The following PITPNM3 variants were observed in gnomAD, a reference collection of about 807,000 sequenced individuals.
PITPNM3 encodes the protein PITPNM family member 3.
Under a neutral mutation model 102.0 loss-of-function variants are expected in PITPNM3, and 26 were observed. That is an observed-to-expected ratio of 0.25 (90% CI 0.19 to 0.35). The LOEUF (loss-of-function observed/expected upper bound fraction) is 0.35, where lower values mean the gene tolerates loss of function less well. Among genes scored for constraint, PITPNM3 ranks in the 10% least tolerant of loss-of-function variants. The probability of loss-of-function intolerance (pLI) is 1.00; values close to 1 mark genes in which losing one functional copy is unlikely to be tolerated. For synonymous variants in PITPNM3, 578 were observed against 558.6 expected (o/e 1.03, Z -0.49); for missense variants, 1,083 against 1,346.1 (o/e 0.80, Z 3.06).
Position 6,457,826 on chromosome 17 carries a change from G to A in PITPNM3, c.2491-104C>T. On this transcript the variant is annotated intron_variant, in intron 18 of 19. Coordinates refer to ENST00000262483, the MANE Select transcript of PITPNM3 (RefSeq NM_031220.4). The surrounding 1 kb of genome is among the most constrained non-coding windows in gnomAD (Gnocchi z 4.7). ...GCCCCTGCTTGGGGACCCTTTATGT[G>A]CACTCTGGTAGACTCCAAGCCATGG... is the stretch of plus-strand genomic sequence containing the variant. 2.0e-6 allele frequency: 3 copies of A among 1,465,540 alleles called. No individual in the cohort carries two copies. The highest frequency in any genetic ancestry group is 2.8e-6 in the Non-Finnish European group (3 of 1,081,874). The allele number at this position is 1,465,540 out of a possible 1,614,324, so 90.8% of individuals were successfully genotyped here.
chr17:6,488,276 T>G (rs2150587754), intron 4 of PITPNM3, among the ~76,000 whole-genome samples: 1 of 152,302 alleles, frequency 6.6e-6, no homozygotes, highest in Non-Finnish European at 1.5e-5. Context: ...TTGCCTTTGC[T>G]CATGCTGAGC....
chr17:6,521,746 C>T (rs1908534910), intron 3 of PITPNM3, among the ~76,000 whole-genome samples: 2 of 152,140 alleles, frequency 1.3e-5, no homozygotes, highest in Middle Eastern at 3.4e-3. Context: ...AAAGCAGAAG[C>T]TGAGATAGAG....
chr17:6,539,265 G>A (rs146196133), intron 1 of PITPNM3, among the ~76,000 whole-genome samples: 77 of 152,298 alleles, frequency 5.1e-4, no homozygotes, highest in African/African-American at 1.7e-3. Context: ...TTTACTGCAA[G>A]GGGGGTCTGA....
In PITPNM3 at chr17:6,517,399, G is replaced by A. The variant is rs775663598; in HGVS notation, c.226+7957C>T. Among the ~76,000 whole-genome samples the A allele has an allele frequency of 6.6e-6, 1 of 152,216 alleles. No individual in the cohort carries two copies. Among genetic ancestry groups the A allele is most frequent in the Non-Finnish European group, 1.5e-5 (1 of 68,026 alleles). On this transcript the variant is annotated intron_variant, in intron 3 of 19. Coordinates refer to ENST00000262483, the MANE Select transcript of PITPNM3 (RefSeq NM_031220.4). The surrounding 1 kb of genome is among the most constrained non-coding windows in gnomAD (Gnocchi z 4.1). ...GCAAAACTAATCATTAAGTTGAAAT[G>A]AGAATTGGCAACATGAAACCAAATG... is the stretch of plus-strand genomic sequence containing the variant.
In PITPNM3 at chr17:6,452,599, C is replaced by T. The variant is rs974254478; in HGVS notation, c.*2739G>A. The T allele has an allele frequency of 3.3e-5, 5 of 152,320 alleles. No homozygotes were observed. Among genetic ancestry groups the T allele is most frequent in the South Asian group, 2.1e-4 (1 of 4,826 alleles). The allele number at this position is 152,320 out of a possible 1,614,324, so 9.4% of individuals were successfully genotyped here. A position where few individuals can be genotyped will look rare whatever the true frequency, so the allele number is the denominator to read the frequency against. ...ACCGGACAGACAAAACTGAGCAAAC[C>T]GCTAGTGTAGAAAGAGCATATGCAT... On this transcript the variant is annotated 3_prime_UTR_variant, in exon 20 of 20. Coordinates refer to ENST00000262483, the MANE Select transcript of PITPNM3 (RefSeq NM_031220.4).
At chr17:6,521,410 T>C (rs1298079307) in intron 3 of PITPNM3, 1 of 152,082 alleles carries the variant, frequency 6.6e-6, no homozygotes, top group Non-Finnish European at 1.5e-5. Flanking sequence ...AGACTCCGTC[T>C]CAAAAACAAA....
At chr17:6,477,306 C>T (rs1249693208) in intron 8 of PITPNM3, 93 bp from the exon 9 acceptor site, 1 of 1,331,620 alleles carries the variant, frequency 7.5e-7, no homozygotes, top group Non-Finnish European at 1.1e-6. Context: ...AAACCAACCC[C>T]TTCATCCTAA....
intron 6 of PITPNM3, chr17:6,481,015 G>A (rs1436658934): frequency 5.9e-5 from 9 of 152,286 alleles, no homozygotes. Context: ...GCCCTTCTGT[G>A]GACACATCCT....
chr17:6,484,442 T>C, intron 4 of PITPNM3, 150 bp from the exon 5 acceptor site: 4 of 776,254 alleles, frequency 5.2e-6, no homozygotes, highest in East Asian at 2.6e-5. Flanking sequence ...AGTCACCCCA[T>C]CCAGGCCCTG....
In PITPNM3 at chr17:6,474,487, G is replaced by C. The variant is rs138826278; in HGVS notation, c.1203C>G (p.Gly401=). 43 of 1,613,566 alleles carry C rather than the reference G, an allele frequency of 2.7e-5. 1 individual carries two copies. In the African/African-American group the frequency reaches 5.5e-4, roughly 20 times the overall value. The change falls in exon 10 of 20, where the codon GGC becomes GGG. Residue 401 remains glycine (G), a synonymous_variant. Coordinates refer to ENST00000262483, the MANE Select transcript of PITPNM3 (RefSeq NM_031220.4). The part of the protein sequence containing the change: ...DFDVSDFFLF[G]SPLGLVLAMR... ...TGGCCAGGACCAGGCCCAGTGGCGA[G>C]CCGAAGAGGAAGAAGTCGGACACAT...
chr17:6,529,525 C>T (rs1909025477), intron 2 of PITPNM3, among the ~76,000 whole-genome samples: 1 of 151,358 alleles, frequency 6.6e-6, no homozygotes, highest in Non-Finnish European at 1.5e-5. Context: ...ACCCGGGTGG[C>T]AGAGGTTGCA....
At chr17:6,528,293 C>A (rs1053295558) in intron 2 of PITPNM3, among the ~76,000 whole-genome samples, 1 of 152,180 alleles carries the variant, frequency 6.6e-6, no homozygotes, top group Non-Finnish European at 1.5e-5. Context: ...TGGGTCTCAT[C>A]TTATCAGGCT....
rs1461696368 is a variant in PITPNM3, at chr17:6,469,559, A to ACAGC, written c.1773+697_1773+700dup. Among the ~76,000 whole-genome samples the ACAGC allele has an allele frequency of 6.6e-6, 1 of 152,296 alleles. No homozygotes were observed. Among genetic ancestry groups the ACAGC allele is most frequent in the East Asian group, 1.9e-4 (1 of 5,172 alleles). ...CTCCCGTCTTTCTCCTACAACGCAG[A>ACAGC]CAGCCACAAGCGCTCTCACCGTAAT... On this transcript the variant is annotated intron_variant, in intron 13 of 19. Transcript: ENST00000262483. This position sits in a 1 kb window ranked among gnomAD's most constrained non-coding sequence, Gnocchi z 4.0.
chr17:6,493,156 T>C (rs1414690832), intron 4 of PITPNM3, among the ~76,000 whole-genome samples: 1 of 152,060 alleles, frequency 6.6e-6, no homozygotes, highest in African/African-American at 2.4e-5. Flanking sequence ...ACAGCTTGAG[T>C]CAGGGTAGTG....
rs148081180 is a variant in PITPNM3 at position 6,483,722 on chromosome 17, G to A, written c.382C>T (p.His128Tyr). 46 of 1,613,734 alleles carry A rather than the reference G, an allele frequency of 2.9e-5. No homozygotes were observed. The Middle Eastern group carries it at 6.6e-4, about 23-fold the overall frequency. ...CCATGCAGGACCAGCAGGAGGACAT[G>A]TGTCTTGCAGGAGCGCTGCGGGCAG... ...EGCPQRSCKT[H>Y]VLLLVLHGGN... is the part of the protein sequence containing the mutation. Residue 128 changes from histidine to tyrosine, a missense_variant, in exon 6 of 20, where the codon CAT becomes TAT. Physicochemically the swap from His to Tyr is moderately conservative, Grantham distance 83. Coordinates refer to ENST00000262483, the MANE Select transcript of PITPNM3 (RefSeq NM_031220.4).
In PITPNM3 at chr17:6,464,175, G is replaced by C. The variant is rs150429536; in HGVS notation, c.2151C>G (p.Val717=). ...GAATGGCCCCTGGGTCTTACCTGAC[G>C]ACCATCTTCACAGGATAGACACCAA... The part of the protein sequence containing the change: ...LGVGVYPVKM[V]VRGDQTCAMS... Residue 717 remains valine, a synonymous_variant, in exon 16 of 20, where the codon GTC becomes GTG. Coordinates refer to ENST00000262483, the MANE Select transcript of PITPNM3 (RefSeq NM_031220.4). 2 of 1,613,994 alleles carry C rather than the reference G, an allele frequency of 1.2e-6. No individual in the cohort carries two copies. The highest frequency in any genetic ancestry group is 2.7e-5 in the African/African-American group (2 of 74,920).
chr17:6,476,879 G>A, intron 9 of PITPNM3, 150 bp downstream of exon 9: 1 of 912,586 alleles, frequency 1.1e-6, no homozygotes, highest in Non-Finnish European at 1.6e-6. Flanking sequence ...TGGTCCCTCA[G>A]TACAGGGCCG....
rs1904996908 is a variant in PITPNM3, at chr17:6,470,221, G to A, written c.1773+39C>T. 1 of 1,564,666 alleles carries A rather than the reference G, an allele frequency of 6.4e-7. No homozygotes were observed. The highest frequency in any genetic ancestry group is 8.7e-7 in the Non-Finnish European group (1 of 1,153,384). ...CTGGAGAAGGGGCGGTACCCCCTTG[G>A]GGTGGCTGTGGGCAGGCCCGCGACT... On this transcript the variant is annotated intron_variant, in intron 13 of 19. Coordinates refer to ENST00000262483, the MANE Select transcript of PITPNM3 (RefSeq NM_031220.4). This position sits in a 1 kb window ranked among gnomAD's most constrained non-coding sequence, Gnocchi z 4.8.
intron 3 of PITPNM3, among the ~76,000 whole-genome samples, chr17:6,507,506 C>A (rs142334669): frequency 5.9e-5 from 9 of 152,142 alleles, no homozygotes; most frequent in South Asian, 4.1e-4. Flanking sequence ...ATCACTTGAA[C>A]CCAGGAGGCA....
Sources: gnomAD v4.1 joint callset for allele counts (sites outside exome capture counted in the v4.1 genomes callset) on GRCh38, gnomAD v4.1.1 for gene constraint, Gnocchi (gnomAD v3.1) non-coding constraint, MANE v1.5 for transcripts, NCBI Gene and HGNC (gene_info 2026-07-23, HGNC 2026-07-21) for gene names.